The following FAM24B variants were observed in gnomAD, a reference collection of about 807,000 sequenced individuals.
The protein encoded by FAM24B is family with sequence similarity 24 member B.
Under a neutral mutation model 2.3 loss-of-function variants are expected in FAM24B, and 3 were observed. The ratio of observed to expected loss-of-function variants is 1.29; its 90% CI spans 0.59 to 3.32. The LOEUF is 3.32. FAM24B is among the 30% of genes most tolerant of loss of function. The probability of loss-of-function intolerance (pLI) is 0.03; values close to 1 mark genes in which losing one functional copy is unlikely to be tolerated. For synonymous variants in FAM24B, 36 were observed against 46.3 expected, an observed-to-expected ratio of 0.78 and a Z score of 0.90; for missense variants, 98 against 117.2, an observed-to-expected ratio of 0.84 and a Z score of 0.76.
chr10:122,851,765 T>G (rs1394413838), intron 2 of FAM24B, among the ~76,000 whole-genome samples: 1 of 152,190 alleles, frequency 6.6e-6, no homozygotes, highest in African/African-American at 2.4e-5. Context: ...AAACTGTTTC[T>G]GGAAGAAGCC....
chr10:122,849,889 G>C (rs1178146991), intron 3 of FAM24B, among the ~76,000 whole-genome samples: 3 of 152,116 alleles, frequency 2.0e-5, no homozygotes, highest in Non-Finnish European at 4.4e-5. Context: ...CTGTTCCCCA[G>C]GTTTTTCACA....
chr10:122,874,241 G>T (rs1008727993), intron 1 of FAM24B, among the ~76,000 whole-genome samples: 1 of 152,162 alleles, frequency 6.6e-6, no homozygotes, highest in Non-Finnish European at 1.5e-5. Flanking sequence ...TAGTGAATTT[G>T]TCTATTTCTC....
At chr10:122,866,656 G>A (rs962078749) in intron 1 of FAM24B, among the ~76,000 whole-genome samples, 2 of 151,996 alleles carry the variant, frequency 1.3e-5, no homozygotes, top group Admixed American at 1.3e-4. Context: ...AATCTTTGAT[G>A]TTACTATTGC....
At chr10:122,852,667 G>C (rs1847562231) in intron 2 of FAM24B, among the ~76,000 whole-genome samples, 1 of 152,106 alleles carries the variant, frequency 6.6e-6, no homozygotes, top group African/African-American at 2.4e-5. Flanking sequence ...CTCCCCAAGG[G>C]GTCTCCACTG....
At chr10:122,876,865 C>A (rs1448683994) in intron 1 of FAM24B, among the ~76,000 whole-genome samples, 1 of 152,116 alleles carries the variant, frequency 6.6e-6, no homozygotes, top group African/African-American at 2.4e-5. Context: ...AAAGAGCACA[C>A]AAAAACAAAA....
chr10:122,855,100 T>C (rs890993058), intron 2 of FAM24B, among the ~76,000 whole-genome samples: 2 of 152,210 alleles, frequency 1.3e-5, no homozygotes, highest in Non-Finnish European at 2.9e-5. Flanking sequence ...GCAAATGCCA[T>C]GAGAAGAGTT....
chr10:122,871,707 A>C (rs1166087882), intron 1 of FAM24B, among the ~76,000 whole-genome samples: 1 of 152,176 alleles, frequency 6.6e-6, no homozygotes. Context: ...TATTTAATAA[A>C]TGGTGCTGGG....
At chr10:122,871,187 T>C (rs1470762109) in intron 1 of FAM24B, among the ~76,000 whole-genome samples, 10 of 151,820 alleles carry the variant, frequency 6.6e-5, no homozygotes, top group Non-Finnish European at 1.0e-4. Context: ...CCATTCACAA[T>C]TGCTTCAAAG....
chr10:122,878,955 C>CA (rs764627745), intron 1 of FAM24B, among the ~76,000 whole-genome samples: 1 of 152,066 alleles, frequency 6.6e-6, no homozygotes, highest in Non-Finnish European at 1.5e-5. Context: ...TGACATGTAT[C>CA]AAAGTTAACT....
Position 122,849,404 on chromosome 10 carries a change from T to G in FAM24B, c.128A>C (p.Asn43Thr). ...CCACCACACCTTGTCTGGGTTGTGA[T>G]TTTTTACAGCCACAGCTTCAGGTTC... ...AKEPEAVAVK[N>T]HNPDKVWWAK... Residue 43 changes from asparagine to threonine, a missense_variant, in exon 4 of 4, where the codon AAT becomes ACT. Asn to Thr is a moderately conservative substitution (Grantham distance 65). Coordinates refer to ENST00000368898, the MANE Select transcript of FAM24B (RefSeq NM_152644.3). 3 of 1,611,774 alleles carry G rather than the reference T, an allele frequency of 1.9e-6. No individual in the cohort carries two copies. Among genetic ancestry groups the G allele is most frequent in the Non-Finnish European group, 2.5e-6 (3 of 1,179,182 alleles).
rs772831380 is a variant in FAM24B at position 122,849,379 on chromosome 10, C to T, written c.153G>A (p.Trp51Ter). Residue 51 changes from tryptophan (W) to a stop codon, truncating the protein, a stop_gained, in exon 4 of 4, where the codon TGG becomes TGA. Transcript: ENST00000368898. LOFTEE classifies it low-confidence loss of function (END_TRUNC). ...TGGTTTTGGCCTGGCTGTTCTTGGCCCACCACACCTTGTCTGGGTTGTGAT... is the reference window on the plus strand; with the variant it reads ...TGGTTTTGGCCTGGCTGTTCTTGGCTCACCACACCTTGTCTGGGTTGTGAT... ...VKNHNPDKVW[W>*]AKNSQAKTIA... The T allele has an allele frequency of 8.1e-6, 13 of 1,613,410 alleles. No homozygotes were observed. The highest frequency in any genetic ancestry group is 9.3e-6 in the Non-Finnish European group (11 of 1,179,736).
intron 1 of FAM24B, among the ~76,000 whole-genome samples, chr10:122,869,809 C>T (rs1293323551): frequency 6.6e-6 from 1 of 152,036 alleles, no homozygotes; most frequent in Admixed American, 6.6e-5. Context: ...ATTTATAGCA[C>T]TAAATGCCCA....
intron 1 of FAM24B, among the ~76,000 whole-genome samples, chr10:122,870,965 G>C (rs953742155): frequency 1.3e-5 from 2 of 152,154 alleles, no homozygotes; most frequent in African/African-American, 4.8e-5. Context: ...GAAATAAAGG[G>C]CATTCAATTA....
At chr10:122,861,238 C>G (rs544051385) in intron 1 of FAM24B, among the ~76,000 whole-genome samples, 1 of 152,008 alleles carries the variant, frequency 6.6e-6, no homozygotes, top group African/African-American at 2.4e-5. Context: ...TTTTGGTGCA[C>G]GAACATCCAA....
At chr10:122,857,335 T>A (rs1847657241) in intron 1 of FAM24B, among the ~76,000 whole-genome samples, 1 of 152,150 alleles carries the variant, frequency 6.6e-6, no homozygotes, top group South Asian at 2.1e-4. Flanking sequence ...GCTGGAATCT[T>A]GGGGGTCATC....
intron 1 of FAM24B, among the ~76,000 whole-genome samples, chr10:122,858,961 T>A (rs1847684910): frequency 1.3e-5 from 2 of 152,214 alleles, no homozygotes; most frequent in African/African-American, 4.8e-5. Flanking sequence ...GATGCTTTTT[T>A]CTTCTTGCAG....
intron 1 of FAM24B, among the ~76,000 whole-genome samples, chr10:122,869,810 T>C (rs1847862747): frequency 6.6e-6 from 1 of 151,972 alleles, no homozygotes; most frequent in Admixed American, 6.6e-5. Context: ...TTTATAGCAC[T>C]AAATGCCCAC....
chr10:122,876,966 G>GA, intron 1 of FAM24B, among the ~76,000 whole-genome samples: 1 of 152,192 alleles, frequency 6.6e-6, no homozygotes. Flanking sequence ...GTTAGCAACA[G>GA]TAGATACATA....
At chr10:122,851,495 C>G (rs1438262426) in intron 2 of FAM24B, among the ~76,000 whole-genome samples, 1 of 152,206 alleles carries the variant, frequency 6.6e-6, no homozygotes, top group African/African-American at 2.4e-5. Flanking sequence ...GCTCTGGACA[C>G]CAGCTCTCTT....
Sources: gnomAD v4.1 joint callset for allele counts (sites outside exome capture counted in the v4.1 genomes callset) on GRCh38, gnomAD v4.1.1 for gene constraint, MANE v1.5 for transcripts, NCBI Gene and HGNC (gene_info 2026-07-23, HGNC 2026-07-21) for gene names.